Variants in ERBB4 observed in about 807,000 individuals in gnomAD.
The protein encoded by ERBB4 is receptor tyrosine-protein kinase erbB-4.
Under a neutral mutation model 158.0 loss-of-function variants are expected in ERBB4, and 42 were observed. The observed-to-expected ratio is 0.27, with a 90% CI of 0.21 to 0.34. ERBB4 has a LOEUF of 0.34. ERBB4 is among the 10% of genes least tolerant of loss of function. ERBB4 has a pLI of 1.00. For synonymous variants in ERBB4, 583 were observed against 558.7 expected (o/e 1.04, Z -0.61); for missense variants, 1,333 against 1,624.1 (o/e 0.82, Z 3.08).
intron 19 of ERBB4, among the ~76,000 whole-genome samples, chr2:211,576,545 T>G (rs1368276941): frequency 1.3e-5 from 2 of 152,182 alleles, no homozygotes. Context: ...GTATTGACTT[T>G]GGGAATGTTT....
At chr2:212,010,634 C>T (rs1033661882) in intron 2 of ERBB4, among the ~76,000 whole-genome samples, 6 of 152,102 alleles carry the variant, frequency 3.9e-5, no homozygotes, top group Admixed American at 1.3e-4. Flanking sequence ...CAGTAGTGCA[C>T]GTATTGTCTT....
At chr2:212,201,038 T>G (rs1241970385) in intron 1 of ERBB4, among the ~76,000 whole-genome samples, 1 of 152,162 alleles carries the variant, frequency 6.6e-6, no homozygotes, top group Non-Finnish European at 1.5e-5. Flanking sequence ...AAATCCAAGT[T>G]GAAAGAAAAC....
At chr2:211,985,597 G>A (rs2081918044) in intron 2 of ERBB4, among the ~76,000 whole-genome samples, 1 of 152,034 alleles carries the variant, frequency 6.6e-6, no homozygotes, top group Non-Finnish European at 1.5e-5. Flanking sequence ...TGCCAAGTCA[G>A]CGAAGTCACT....
At chr2:211,889,774 G>A (rs1409286926) in intron 3 of ERBB4, among the ~76,000 whole-genome samples, 3 of 151,944 alleles carry the variant, frequency 2.0e-5, no homozygotes, top group Middle Eastern at 3.4e-3. Flanking sequence ...AGCCTCAGGA[G>A]CCGATGCGAT....
intron 1 of ERBB4, among the ~76,000 whole-genome samples, chr2:212,210,206 G>T (rs539943508): frequency 2.7e-5 from 2 of 75,032 alleles, no homozygotes; most frequent in African/African-American, 9.8e-5. Context: ...GAGCAGCAAT[G>T]CTAGTGCAAA....
chr2:211,558,574 A>G (rs913164927), intron 20 of ERBB4, among the ~76,000 whole-genome samples: 2 of 152,206 alleles, frequency 1.3e-5, no homozygotes, highest in Non-Finnish European at 2.9e-5. Context: ...ACAGGTAGAT[A>G]CCATTTATTA....
intron 2 of ERBB4, among the ~76,000 whole-genome samples, chr2:212,030,014 T>A (rs2076864761): frequency 6.6e-6 from 1 of 152,158 alleles, no homozygotes; most frequent in Admixed American, 6.6e-5. Context: ...GCTGTGACTA[T>A]TTCACATAAA....
intron 3 of ERBB4, among the ~76,000 whole-genome samples, chr2:211,808,158 T>C (rs1009978777): frequency 2.0e-5 from 3 of 152,214 alleles, no homozygotes; most frequent in Admixed American, 2.0e-4. Flanking sequence ...ATTTTGGCCT[T>C]TATTGCCATT....
chr2:211,424,104 T>TATTA (rs1240390080), intron 23 of ERBB4, 51 bp downstream of exon 23: 1 of 1,518,034 alleles, frequency 6.6e-7, no homozygotes, highest in East Asian at 2.3e-5. Context: ...TAATCTCTGC[T>TATTA]ATTACTTTAC....
At chr2:211,696,730 C>T (rs925380718) in intron 12 of ERBB4, among the ~76,000 whole-genome samples, 8 of 151,888 alleles carry the variant, frequency 5.3e-5, no homozygotes, top group African/African-American at 1.2e-4. Context: ...AGTACAGTGG[C>T]GTGATCTTGG....
intron 1 of ERBB4, among the ~76,000 whole-genome samples, chr2:212,158,663 G>A (rs1188432802): frequency 6.6e-6 from 1 of 151,958 alleles, no homozygotes; most frequent in Non-Finnish European, 1.5e-5. Flanking sequence ...AATAAACAGT[G>A]TATTCTCTAA....
chr2:212,194,880 C>G (rs1393427151), intron 1 of ERBB4, among the ~76,000 whole-genome samples: 1 of 151,894 alleles, frequency 6.6e-6, no homozygotes, highest in Non-Finnish European at 1.5e-5. Context: ...GTTGTAGCCT[C>G]AGAAAGGCTC....
intron 7 of ERBB4, among the ~76,000 whole-genome samples, chr2:211,721,443 C>CAAAAAAACAAAAA: frequency 1.8e-5 from 1 of 54,500 alleles, no homozygotes; most frequent in Non-Finnish European, 3.0e-5. Context: ...TTACTCAAAG[C>CAAAAAAACAAAAA]AAAAAAAAAA....
chr2:211,963,141 G>A (rs2081224609), intron 2 of ERBB4, among the ~76,000 whole-genome samples: 1 of 152,052 alleles, frequency 6.6e-6, no homozygotes, highest in Admixed American at 6.6e-5. Context: ...CTCAACTGGG[G>A]TGTTTTGCTT....
chr2:211,665,735 C>T (rs555943504), intron 14 of ERBB4, among the ~76,000 whole-genome samples: 24 of 152,270 alleles, frequency 1.6e-4, no homozygotes, highest in African/African-American at 5.8e-4. Context: ...GAAATATTTT[C>T]CTTTTCGACA....
At chr2:212,014,671 G>C (rs2076466765) in intron 2 of ERBB4, among the ~76,000 whole-genome samples, 1 of 151,930 alleles carries the variant, frequency 6.6e-6, no homozygotes, top group African/African-American at 2.4e-5. Context: ...TGAACATGGA[G>C]ACATAGCCTC....
At position 211,479,904 on chromosome 2, in the gene ERBB4, C is replaced by T. The variant is rs189113375; in HGVS notation, c.2488-48804G>A. ...TCTCATATAATTAACACTTTTTTTC[C>T]CTTTTTTTCAGAGAAAGGTAAATTT... On this transcript the variant is annotated intron_variant, in intron 20 of 27. Coordinates refer to ENST00000342788, the MANE Select transcript of ERBB4 (RefSeq NM_005235.3). 9.3e-4 allele frequency among the ~76,000 whole-genome samples: 141 copies of T among 152,018 alleles called. 1 individual carries two copies. Among genetic ancestry groups the T allele is most frequent in the Non-Finnish European group, 1.2e-4 (8 of 67,974 alleles).
At chr2:211,722,238 T>A (rs2074123137) in intron 7 of ERBB4, among the ~76,000 whole-genome samples, 155 bp downstream of exon 7, 1 of 152,208 alleles carries the variant, frequency 6.6e-6, no homozygotes, top group Non-Finnish European at 1.5e-5. Flanking sequence ...AAGTTTTGGT[T>A]TAGTTTCTTT....
At position 212,168,233 on chromosome 2, in the gene ERBB4, G is replaced by A. The variant is rs10168302; in HGVS notation, c.83-43330C>T. 1.0e-2 allele frequency among the ~76,000 whole-genome samples: 1,514 copies of A among 151,950 alleles called. 18 individuals carry two copies. The highest frequency in any genetic ancestry group is 0.035 in the African/African-American group (1,432 of 41,428). On this transcript the variant is annotated intron_variant, in intron 1 of 27. Coordinates refer to ENST00000342788, the MANE Select transcript of ERBB4 (RefSeq NM_005235.3). Reference sequence around the variant, plus strand: ...CTTTTTGCATTCCTAAATTCCTGGGGGAATACACTGGAGTAATTTTAGGCT... The same window carrying A: ...CTTTTTGCATTCCTAAATTCCTGGGAGAATACACTGGAGTAATTTTAGGCT...
Sources: gnomAD v4.1 joint callset for allele counts (sites outside exome capture counted in the v4.1 genomes callset) on GRCh38, gnomAD v4.1.1 for gene constraint, MANE v1.5 for transcripts, NCBI Gene and HGNC (gene_info 2026-07-23, HGNC 2026-07-21) for gene names.